The following NRG4 variants were observed in gnomAD, a reference collection of about 807,000 sequenced individuals.
NRG4 encodes the protein neuregulin 4, also known as pro-neuregulin-4, membrane-bound isoform.
Under a neutral mutation model 15.0 loss-of-function variants are expected in NRG4, and 10 were observed. The observed-to-expected ratio is 0.67, with a 90% CI of 0.41 to 1.13. The LOEUF (loss-of-function observed/expected upper bound fraction) is 1.13, where lower values mean the gene tolerates loss of function less well. NRG4 is among the 50% of genes most tolerant of loss of function. The pLI, the probability that NRG4 is intolerant of heterozygous loss-of-function variation, is 0.00. For missense variants in NRG4, 139 were observed against 140.2 expected (o/e 0.99, Z 0.04); for synonymous variants, 41 against 50.1 (o/e 0.82, Z 0.77).
chr15:76,044,336 A>G (rs1387390770), intron 4 of NRG4, among the ~76,000 whole-genome samples: 1 of 150,026 alleles, frequency 6.7e-6, no homozygotes, highest in Non-Finnish European at 1.5e-5. Context: ...TGCCAAGAAC[A>G]TACTTGGGGA....
intron 5 of NRG4, among the ~76,000 whole-genome samples, chr15:75,946,493 G>A (rs1317597758): frequency 2.0e-5 from 3 of 152,164 alleles, no homozygotes; most frequent in Non-Finnish European, 4.4e-5. Flanking sequence ...AAGTAGCTGG[G>A]ACTACAGGTG....
chr15:76,051,708 C>T (rs1429616786), intron 4 of NRG4, among the ~76,000 whole-genome samples: 2 of 150,090 alleles, frequency 1.3e-5, no homozygotes, highest in African/African-American at 5.0e-5. Flanking sequence ...GGACCACAGG[C>T]GCCCGCCACC....
At chr15:75,947,554 A>T (rs1181159889) in intron 5 of NRG4, among the ~76,000 whole-genome samples, 1 of 152,218 alleles carries the variant, frequency 6.6e-6, no homozygotes, top group Non-Finnish European at 1.5e-5. Context: ...TTTTAAACTG[A>T]AAAGACAAGA....
chr15:75,939,705 T>C (rs569534788), downstream of NRG4: 2 of 152,304 alleles, frequency 1.3e-5, no homozygotes, highest in Non-Finnish European at 2.9e-5. Flanking sequence ...ATGGAATGAA[T>C]TCCTGGAATG....
chr15:76,035,562 T>G (rs1165875066), intron 5 of NRG4, among the ~76,000 whole-genome samples: 2 of 151,584 alleles, frequency 1.3e-5, no homozygotes, highest in Non-Finnish European at 2.9e-5. Flanking sequence ...TCAGACTCGG[T>G]AACAGAAGTG....
chr15:76,023,726 G>A (rs1487541174), intron 5 of NRG4, among the ~76,000 whole-genome samples: 1 of 152,212 alleles, frequency 6.6e-6, no homozygotes, highest in South Asian at 2.1e-4. Context: ...CCAGCCCACA[G>A]ATGGCTGATG....
downstream of NRG4, chr15:75,935,895 C>G (rs965969567): frequency 2.0e-5 from 3 of 152,072 alleles, no homozygotes; most frequent in African/African-American, 7.2e-5. Flanking sequence ...TCACGCCATT[C>G]TCCTGCCTCA....
intron 4 of NRG4, among the ~76,000 whole-genome samples, chr15:76,049,764 A>T (rs1361988074): frequency 6.6e-6 from 1 of 150,770 alleles, no homozygotes; most frequent in African/African-American, 2.5e-5. Context: ...CCTGTTTCTC[A>T]TTGTTTGAAA....
intron 3 of NRG4, among the ~76,000 whole-genome samples, chr15:75,980,291 A>C (rs991762821): frequency 6.6e-6 from 1 of 152,202 alleles, no homozygotes; most frequent in Admixed American, 6.5e-5. Flanking sequence ...AGATAGGGAA[A>C]ACAAAAATAG....
chr15:76,014,973 T>A (rs2034932050), upstream of NRG4, among the ~76,000 whole-genome samples: 1 of 152,242 alleles, frequency 6.6e-6, no homozygotes, highest in Non-Finnish European at 1.5e-5. Context: ...TTCCTATCCA[T>A]GAGCATGGAA....
intron 3 of NRG4, among the ~76,000 whole-genome samples, chr15:75,967,068 C>G (rs907779014): frequency 6.8e-6 from 1 of 147,452 alleles, no homozygotes; most frequent in Non-Finnish European, 1.5e-5. Flanking sequence ...GAGCTGAGAT[C>G]GCGCCGCTGC....
At chr15:76,022,617 C>T (rs941564399) in intron 5 of NRG4, among the ~76,000 whole-genome samples, 2 of 152,092 alleles carry the variant, frequency 1.3e-5, no homozygotes, top group Admixed American at 6.6e-5. Flanking sequence ...AGGTGGATCA[C>T]AAGCCAGGAA....
At chr15:76,027,997 A>G (rs2035360781) in intron 5 of NRG4, among the ~76,000 whole-genome samples, 1 of 152,180 alleles carries the variant, frequency 6.6e-6, no homozygotes, top group African/African-American at 2.4e-5. Context: ...ACAACATACT[A>G]AAACCTATGG....
At chr15:76,051,092 G>C (rs1334576174) in intron 4 of NRG4, among the ~76,000 whole-genome samples, 1 of 147,150 alleles carries the variant, frequency 6.8e-6, no homozygotes, top group Non-Finnish European at 1.5e-5. Flanking sequence ...TGCAAGCTCC[G>C]CCTGCCGGGT....
intron 3 of NRG4, among the ~76,000 whole-genome samples, chr15:75,989,907 G>A (rs1294232194): frequency 2.0e-5 from 3 of 152,134 alleles, no homozygotes; most frequent in African/African-American, 7.2e-5. Flanking sequence ...GGGAGACGAA[G>A]TTACTTGTAA....
Position 76,044,855 on chromosome 15 carries a change from A to G in NRG4, c.-105+7212T>C, listed in dbSNP as rs1425942223. Among the ~76,000 whole-genome samples, 2 of 150,072 alleles carry G rather than the reference A, an allele frequency of 1.3e-5. 1 individual carries two copies. The highest frequency in any genetic ancestry group is 3.0e-5 in the Non-Finnish European group (2 of 67,734). On this transcript the variant is annotated intron_variant, in intron 4 of 8. Transcript: ENST00000563910. ...GACTCTGTCTCAAAAAAAAAAAAAAAAAGATTTCTTGAGTAATACCCCACA... is the reference window on the plus strand; with the variant it reads ...GACTCTGTCTCAAAAAAAAAAAAAAGAAGATTTCTTGAGTAATACCCCACA...
chr15:76,028,903 CAAAAAAAA>C (rs34533266), intron 5 of NRG4, among the ~76,000 whole-genome samples: 1 of 54,288 alleles, frequency 1.8e-5, no homozygotes, highest in African/African-American at 6.7e-5. Flanking sequence ...ACTCCTCCTC[CAAAAAAAA>C]AAAAAAAAAA....
At chr15:76,002,440 G>A (rs990529703) in intron 3 of NRG4, among the ~76,000 whole-genome samples, 9 of 152,122 alleles carry the variant, frequency 5.9e-5, no homozygotes, top group Admixed American at 6.5e-5. Flanking sequence ...GCTGGTCAAC[G>A]AGCAAATGGG....
intron 4 of NRG4, among the ~76,000 whole-genome samples, chr15:76,038,051 G>T (rs1423632290): frequency 6.6e-6 from 1 of 152,122 alleles, no homozygotes; most frequent in Non-Finnish European, 1.5e-5. Context: ...CCTATTCCTG[G>T]CAGGATGCAT....
Sources: allele counts gnomAD v4.1 joint callset (sites outside exome capture counted in the v4.1 genomes callset), GRCh38; gene constraint gnomAD v4.1.1; transcripts MANE v1.5; gene names NCBI Gene and HGNC (gene_info 2026-07-23, HGNC 2026-07-21).